The following EPB41 variants were observed in gnomAD, a reference collection of about 807,000 sequenced individuals.
The protein encoded by EPB41 is erythrocyte membrane protein band 4.1, also known as protein 4.1.
In EPB41, 65 loss-of-function variants were observed where a neutral mutation model predicts 108.0. The ratio of observed to expected loss-of-function variants is 0.60; its 90% CI spans 0.49 to 0.74. The LOEUF is 0.74. Among genes scored for constraint, EPB41 ranks in the 30% least tolerant of loss-of-function variants. The pLI, the probability that EPB41 is intolerant of heterozygous loss-of-function variation, is 0.00. For synonymous variants in EPB41, 336 were observed against 358.9 expected, an observed-to-expected ratio of 0.94 and a Z score of 0.72; for missense variants, 875 against 1,037.0, an observed-to-expected ratio of 0.84 and a Z score of 2.15.
chr1:29,025,691 T>C (rs1417416642), intron 7 of EPB41, among the ~76,000 whole-genome samples: 3 of 152,090 alleles, frequency 2.0e-5, no homozygotes, highest in East Asian at 3.9e-4. Flanking sequence ...TTAATGATAT[T>C]TTCCAAATTT....
intron 1 of EPB41, among the ~76,000 whole-genome samples, chr1:28,931,602 T>C (rs150090): frequency 6.7e-6 from 1 of 149,854 alleles, no homozygotes. Context: ...GATCTCGGCT[T>C]ACTGCAACCT....
intron 5 of EPB41, among the ~76,000 whole-genome samples, chr1:29,014,288 A>G (rs772277269): frequency 6.6e-6 from 1 of 152,100 alleles, no homozygotes; most frequent in African/African-American, 2.4e-5. Context: ...TTGCACTCCA[A>G]CCTGGGGGAC....
At chr1:29,013,875 A>T (rs2149986655) in intron 5 of EPB41, among the ~76,000 whole-genome samples, 1 of 147,110 alleles carries the variant, frequency 6.8e-6, no homozygotes. Context: ...AGTAATATAT[A>T]CCCATTGTAA....
At chr1:28,921,960 A>ATATAGATATATATATATATATATATG (rs2093116851) in intron 1 of EPB41, among the ~76,000 whole-genome samples, 1 of 113,994 alleles carries the variant, frequency 8.8e-6, no homozygotes, top group African/African-American at 3.3e-5. Flanking sequence ...ATATATATAT[A>ATATAGATATATATATATATATATATG]TACACTTTTT....
chr1:28,904,830 G>A (rs573252085), intron 1 of EPB41, among the ~76,000 whole-genome samples: 303 of 152,076 alleles, frequency 2.0e-3, no homozygotes, highest in Non-Finnish European at 4.0e-3. Context: ...TCAGGAGATC[G>A]AGACCATCCT....
At chr1:28,947,342 A>G (rs545605817) in intron 1 of EPB41, among the ~76,000 whole-genome samples, 1 of 151,988 alleles carries the variant, frequency 6.6e-6, no homozygotes, top group African/African-American at 2.4e-5. Context: ...CGGGAGGCGG[A>G]TGTTGCAGTG....
chr1:28,938,165 T>C (rs1273348355), intron 1 of EPB41, among the ~76,000 whole-genome samples: 1 of 152,228 alleles, frequency 6.6e-6, no homozygotes, highest in African/African-American at 2.4e-5. Flanking sequence ...TTTTTCAACA[T>C]TGTTTTGGCT....
intron 1 of EPB41, among the ~76,000 whole-genome samples, chr1:28,964,788 T>G (rs1311711252): frequency 6.6e-6 from 1 of 152,186 alleles, no homozygotes; most frequent in Non-Finnish European, 1.5e-5. Flanking sequence ...TATTTTATAC[T>G]CCAGCTATAG....
intron 4 of EPB41, among the ~76,000 whole-genome samples, chr1:29,009,576 G>A (rs1237224540): frequency 6.6e-6 from 1 of 152,166 alleles, no homozygotes; most frequent in Non-Finnish European, 1.5e-5. Context: ...GTAAAAAGTG[G>A]TAGTAGTTCT....
chr1:28,921,961 T>TATATATATATACAC (rs770764638), intron 1 of EPB41, among the ~76,000 whole-genome samples: 3 of 109,936 alleles, frequency 2.7e-5, no homozygotes, highest in East Asian at 7.7e-4. Context: ...TATATATATA[T>TATATATATATACAC]ACACTTTTTT....
chr1:29,014,640 A>G (rs1285862976), intron 5 of EPB41, among the ~76,000 whole-genome samples: 3 of 152,092 alleles, frequency 2.0e-5, no homozygotes, highest in African/African-American at 7.2e-5. Flanking sequence ...ATCCTAGCTC[A>G]TTGCAGCCTT....
chr1:29,086,561 C>T (rs1355024230), intron 16 of EPB41, among the ~76,000 whole-genome samples: 3 of 152,056 alleles, frequency 2.0e-5, no homozygotes, highest in East Asian at 1.9e-4. Context: ...CATGAGCCAC[C>T]GCGCCCGGCC....
At chr1:29,011,249 C>T (rs530591197) in intron 4 of EPB41, among the ~76,000 whole-genome samples, 78 of 151,878 alleles carry the variant, frequency 5.1e-4, no homozygotes, top group South Asian at 2.3e-3. Context: ...CCTGTAATCC[C>T]AGCTACTTGG....
intron 1 of EPB41, among the ~76,000 whole-genome samples, chr1:28,909,497 TA>T (rs2092104183): frequency 6.6e-6 from 1 of 150,720 alleles, no homozygotes; most frequent in African/African-American, 2.4e-5. Context: ...ATAAAATAAA[TA>T]AAAAAATAAA....
intron 11 of EPB41, among the ~76,000 whole-genome samples, chr1:29,050,622 C>A (rs1257797256): frequency 2.0e-5 from 3 of 152,164 alleles, no homozygotes; most frequent in Non-Finnish European, 4.4e-5. Flanking sequence ...TTACTACTAA[C>A]CCAGTAGTAG....
intron 1 of EPB41, among the ~76,000 whole-genome samples, chr1:28,950,557 T>G (rs1200090791): frequency 6.6e-6 from 1 of 152,252 alleles, no homozygotes; most frequent in East Asian, 1.9e-4. Flanking sequence ...CTGCCAACCT[T>G]AACATATGGC....
chr1:29,097,698 T>G, intron 16 of EPB41, 109 bp from the exon 17 acceptor site: 9 of 1,341,218 alleles, frequency 6.7e-6, no homozygotes, highest in Non-Finnish European at 9.6e-6. Context: ...TAGATTGAGC[T>G]AGCTCTGTAC....
intron 1 of EPB41, among the ~76,000 whole-genome samples, chr1:28,908,654 A>G (rs2092023170): frequency 6.8e-6 from 1 of 147,562 alleles, no homozygotes; most frequent in Non-Finnish European, 1.5e-5. Flanking sequence ...CTGGTCTCGC[A>G]CTCCTGACCT....
intron 16 of EPB41, among the ~76,000 whole-genome samples, chr1:29,075,197 G>A (rs934717690): frequency 6.8e-5 from 10 of 146,764 alleles, no homozygotes; most frequent in African/African-American, 2.3e-4. Context: ...TGAAATCCTA[G>A]GCCAGGTGTG....
Sources: allele counts gnomAD v4.1 joint callset (sites outside exome capture counted in the v4.1 genomes callset), GRCh38; gene constraint gnomAD v4.1.1; transcripts MANE v1.5; gene names NCBI Gene and HGNC (gene_info 2026-07-23, HGNC 2026-07-21).